The following CSMD1 variants were observed in gnomAD, a reference collection of about 807,000 sequenced individuals.
The protein encoded by CSMD1 is CUB and Sushi multiple domains 1.
In CSMD1, 213 loss-of-function variants were observed where a neutral mutation model predicts 417.5. The observed-to-expected ratio is 0.51, with a 90% confidence interval of 0.46 to 0.57. CSMD1 has a LOEUF of 0.57. Among genes scored for constraint, CSMD1 ranks in the 20% least tolerant of loss-of-function variants. CSMD1 has a pLI of 0.00. For synonymous variants in CSMD1, 2,862 were observed against 1,736.8 expected (o/e 1.65, Z -16.11); for missense variants, 6,923 against 4,529.7 (o/e 1.53, Z -15.17).
chr8:4,022,502 C>T (rs914481709), intron 4 of CSMD1, among the ~76,000 whole-genome samples: 2 of 152,144 alleles, frequency 1.3e-5, no homozygotes, highest in African/African-American at 4.8e-5. Flanking sequence ...TCCGAAGCAA[C>T]ATTTGGTAGA....
intron 3 of CSMD1, among the ~76,000 whole-genome samples, chr8:4,367,417 T>C (rs1479897762): frequency 4.6e-5 from 7 of 152,184 alleles, no homozygotes; most frequent in Admixed American, 1.3e-4. Flanking sequence ...CATTGGTCTA[T>C]GTGTCTATTT....
chr8:3,606,342 C>T (rs1166874093), intron 8 of CSMD1, among the ~76,000 whole-genome samples: 1 of 152,148 alleles, frequency 6.6e-6, no homozygotes, highest in Non-Finnish European at 1.5e-5. Flanking sequence ...CATGGTACAG[C>T]CTAGTCCTCC....
chr8:4,508,895 A>G (rs1426163073), intron 2 of CSMD1, among the ~76,000 whole-genome samples: 1 of 152,112 alleles, frequency 6.6e-6, no homozygotes, highest in East Asian at 1.9e-4. Flanking sequence ...CTAGAGGAAA[A>G]TGCCTAAATA....
intron 10 of CSMD1, among the ~76,000 whole-genome samples, chr8:3,544,732 A>T (rs1187180192): frequency 6.6e-6 from 1 of 152,140 alleles, no homozygotes; most frequent in African/African-American, 2.4e-5. Context: ...CAGGGAGACC[A>T]GGATGCTGGG....
intron 3 of CSMD1, among the ~76,000 whole-genome samples, chr8:4,057,644 T>C (rs1317068724): frequency 2.1e-5 from 2 of 95,272 alleles, no homozygotes; most frequent in Admixed American, 1.9e-4. Context: ...CTAGGTTTTC[T>C]TCTAGGGTTT....
chr8:3,923,306 G>C (rs1294861962), intron 5 of CSMD1, among the ~76,000 whole-genome samples: 2 of 152,074 alleles, frequency 1.3e-5, no homozygotes, highest in South Asian at 2.1e-4. Context: ...CCCATTTGGG[G>C]AGTTTATGTA....
At chr8:4,522,121 G>A (rs1230999559) in intron 2 of CSMD1, among the ~76,000 whole-genome samples, 1 of 152,188 alleles carries the variant, frequency 6.6e-6, no homozygotes, top group Non-Finnish European at 1.5e-5. Flanking sequence ...AGCCTGGGGG[G>A]AGGTGATTGA....
At chr8:3,209,397 A>G (rs944761971) in intron 30 of CSMD1, among the ~76,000 whole-genome samples, 9 of 151,956 alleles carry the variant, frequency 5.9e-5, no homozygotes, top group Non-Finnish European at 1.2e-4. Context: ...GCTCACTGCA[A>G]GTTCCATCTC....
intron 10 of CSMD1, among the ~76,000 whole-genome samples, chr8:3,494,475 A>G (rs1585249704): frequency 6.6e-6 from 1 of 152,202 alleles, no homozygotes; most frequent in East Asian, 1.9e-4. Flanking sequence ...AGATAAATAC[A>G]TGATGATAAT....
At chr8:4,373,289 C>T (rs1802510984) in intron 3 of CSMD1, among the ~76,000 whole-genome samples, 1 of 152,040 alleles carries the variant, frequency 6.6e-6, no homozygotes, top group South Asian at 2.1e-4. Flanking sequence ...GATCCAGGGA[C>T]AGAAAGGGAA....
chr8:3,891,514 T>G (rs548775275), intron 5 of CSMD1, among the ~76,000 whole-genome samples: 1 of 152,116 alleles, frequency 6.6e-6, no homozygotes, highest in South Asian at 2.1e-4. Flanking sequence ...ACCCCATGCC[T>G]AATCACACAC....
intron 5 of CSMD1, among the ~76,000 whole-genome samples, chr8:3,925,697 CGTAAGAAGT>C (rs1809607158): frequency 1.3e-5 from 2 of 151,934 alleles, no homozygotes; most frequent in Admixed American, 6.6e-5. Context: ...GCCACCACCA[CGTAAGAAGT>C]GCCTGTTACC....
intron 7 of CSMD1, among the ~76,000 whole-genome samples, chr8:3,623,564 T>C (rs1333589198): frequency 1.3e-5 from 2 of 152,254 alleles, no homozygotes; most frequent in Non-Finnish European, 2.9e-5. Context: ...ATGTGTTTGC[T>C]AGAAACTCTT....
intron 3 of CSMD1, among the ~76,000 whole-genome samples, chr8:4,223,938 C>G (rs1347411674): frequency 6.6e-6 from 1 of 152,082 alleles, no homozygotes; most frequent in African/African-American, 2.4e-5. Flanking sequence ...ATCCAGGGGT[C>G]CTTTGTGCTT....
At chr8:4,657,590 A>G (rs563377951) in intron 1 of CSMD1, among the ~76,000 whole-genome samples, 1 of 152,280 alleles carries the variant, frequency 6.6e-6, no homozygotes, top group East Asian at 1.9e-4. Flanking sequence ...CTACAGCAAT[A>G]AAACAATTCC....
At chr8:3,271,410 G>A (rs537115216) in intron 26 of CSMD1, among the ~76,000 whole-genome samples, 35 of 151,920 alleles carry the variant, frequency 2.3e-4, no homozygotes, top group Non-Finnish European at 4.4e-4. Flanking sequence ...TGTCTTTATA[G>A]CAGCATGATT....
chr8:3,280,374 G>C (rs1247144060), intron 26 of CSMD1, among the ~76,000 whole-genome samples: 2 of 152,156 alleles, frequency 1.3e-5, no homozygotes, highest in Non-Finnish European at 2.9e-5. Context: ...GGTCAAGATA[G>C]AAACTCACAT....
chr8:3,702,559 G>T (rs151233348), intron 7 of CSMD1, among the ~76,000 whole-genome samples: 1 of 152,180 alleles, frequency 6.6e-6, no homozygotes, highest in Non-Finnish European at 1.5e-5. Context: ...GGCCAGGTGC[G>T]GTGGCTCATG....
chr8:3,800,805 C>G (rs1800413761), intron 5 of CSMD1, among the ~76,000 whole-genome samples: 1 of 151,924 alleles, frequency 6.6e-6, no homozygotes, highest in Non-Finnish European at 1.5e-5. Flanking sequence ...TTGTACGTGC[C>G]CACTTCCCCT....
Sources: gnomAD v4.1 joint callset for allele counts (sites outside exome capture counted in the v4.1 genomes callset) on GRCh38, gnomAD v4.1.1 for gene constraint, MANE v1.5 for transcripts, NCBI Gene and HGNC (gene_info 2026-07-23, HGNC 2026-07-21) for gene names.